The following PCBP3 variants were observed in gnomAD, a reference collection of about 807,000 sequenced individuals.
PCBP3 encodes poly(rC) binding protein 3.
Under a neutral mutation model 52.7 loss-of-function variants are expected in PCBP3, and 25 were observed. The observed-to-expected ratio is 0.47, with a 90% confidence interval of 0.35 to 0.66. The LOEUF (loss-of-function observed/expected upper bound fraction) is 0.66, where lower values mean the gene tolerates loss of function less well. Ranked by LOEUF, PCBP3 falls within the 30% of genes least tolerant of loss-of-function variation. The probability of loss-of-function intolerance (pLI) is 0.01; values close to 1 mark genes in which losing one functional copy is unlikely to be tolerated. For synonymous variants in PCBP3, 162 were observed against 183.0 expected (o/e 0.89, Z 0.93); for missense variants, 391 against 490.3 (o/e 0.80, Z 1.91).
At chr21:45,796,949 G>A (rs1465273930) in intron 4 of PCBP3, among the ~76,000 whole-genome samples, 2 of 152,136 alleles carry the variant, frequency 1.3e-5, no homozygotes, top group African/African-American at 2.4e-5. Context: ...GTTTAAATAC[G>A]AGGGCTTAAT....
Position 45,786,884 on chromosome 21 carries a change from G to A in PCBP3, c.-126+31432G>A, listed in dbSNP as rs78671181. ...CCTGAATTCACCCACACCCTCTGAA[G>A]AAATTATTAGAACCTGTCTCCTGCC... is the stretch of plus-strand genomic sequence containing the variant. On this transcript the variant is annotated intron_variant, in intron 4 of 17. Transcript: ENST00000681687. Among the ~76,000 whole-genome samples the A allele has an allele frequency of 1.4e-3, 215 of 152,296 alleles. 6 individuals are homozygous for A. The East Asian group carries it at 0.025, about 18-fold the overall frequency.
chr21:45,908,323 AC>A (rs1337648313), intron 9 of PCBP3, among the ~76,000 whole-genome samples: 1 of 152,070 alleles, frequency 6.6e-6, no homozygotes, highest in Non-Finnish European at 1.5e-5. Context: ...CTAACCCGAC[AC>A]CTTGACACAC....
chr21:45,877,738 G>A (rs1410915030), intron 5 of PCBP3, among the ~76,000 whole-genome samples: 1 of 152,198 alleles, frequency 6.6e-6, no homozygotes, highest in African/African-American at 2.4e-5. Context: ...CCTGGGAGGT[G>A]GAGGTTGCAG....
intron 4 of PCBP3, among the ~76,000 whole-genome samples, chr21:45,768,297 AG>A (rs1464635495): frequency 1.3e-5 from 2 of 152,232 alleles, no homozygotes. Flanking sequence ...CACTTGGACA[AG>A]ATGAAGGTTT....
chr21:45,764,902 G>C (rs999999092), intron 4 of PCBP3, among the ~76,000 whole-genome samples: 1 of 152,350 alleles, frequency 6.6e-6, no homozygotes, highest in East Asian at 1.9e-4. Flanking sequence ...CTTTGCTCTT[G>C]GAAGGGGGGA....
intron 9 of PCBP3, among the ~76,000 whole-genome samples, chr21:45,905,001 G>A (rs1007270751): frequency 2.6e-5 from 4 of 152,192 alleles, no homozygotes; most frequent in East Asian, 1.9e-4. Flanking sequence ...TTGACTTAGC[G>A]AATATCTGTT....
chr21:45,900,663 G>C, intron 8 of PCBP3, 40 bp downstream of exon 8: 1 of 1,273,606 alleles, frequency 7.9e-7, no homozygotes, highest in Non-Finnish European at 1.1e-6. Context: ...AGCCATTCCC[G>C]GGTGGGCGGG....
rs561497012 is a variant in PCBP3 at position 45,682,426 on chromosome 21, C to T, written c.-200+13474C>T. On this transcript the variant is annotated intron_variant, in intron 2 of 17. Coordinates refer to ENST00000681687, the MANE Select transcript of PCBP3 (RefSeq NM_001384156.1). ...CTTCCCAGAAGTGGAAGTTAACCTA[C>T]AGAAAGATCATTCTGACTAGTATGG... Among the ~76,000 whole-genome samples the T allele has an allele frequency of 1.5e-4, 23 of 152,272 alleles. No homozygotes were observed. The South Asian group carries it at 4.8e-3, about 32-fold the overall frequency.
chr21:45,941,419 C>T (rs1259969425), intron 17 of PCBP3, among the ~76,000 whole-genome samples: 1 of 152,186 alleles, frequency 6.6e-6, no homozygotes, highest in Non-Finnish European at 1.5e-5. Context: ...TAGGGGGCTC[C>T]ACATGGGGAA....
chr21:45,866,775 C>A (rs1486581503), intron 5 of PCBP3, among the ~76,000 whole-genome samples: 1 of 152,104 alleles, frequency 6.6e-6, no homozygotes, highest in African/African-American at 2.4e-5. Flanking sequence ...TCCAGCACCC[C>A]CTCCCCTCTC....
chr21:45,685,491 C>T (rs1367550760), intron 2 of PCBP3, among the ~76,000 whole-genome samples: 2 of 152,112 alleles, frequency 1.3e-5, no homozygotes, highest in African/African-American at 2.4e-5. Context: ...GTGGAGTAAC[C>T]AGGATAGGAC....
chr21:45,785,542 C>T (rs1405356419), intron 4 of PCBP3, among the ~76,000 whole-genome samples: 7 of 150,054 alleles, frequency 4.7e-5, no homozygotes, highest in African/African-American at 7.3e-5. Context: ...GCCAGCCGCC[C>T]CATCCGGGAG....
chr21:45,865,633 G>A (rs1354197708), intron 5 of PCBP3, among the ~76,000 whole-genome samples: 4 of 152,158 alleles, frequency 2.6e-5, no homozygotes, highest in Non-Finnish European at 5.9e-5. Flanking sequence ...TCTGGGTCCT[G>A]ACTCATTTGG....
chr21:45,787,564 A>G (rs756967966), intron 4 of PCBP3, among the ~76,000 whole-genome samples: 2 of 151,946 alleles, frequency 1.3e-5, no homozygotes, highest in Non-Finnish European at 2.9e-5. Flanking sequence ...GCCTCATCCG[A>G]GTTTTTTGGA....
At chr21:45,669,807 A>G (rs377620078) in intron 2 of PCBP3, among the ~76,000 whole-genome samples, 95 of 55,240 alleles carry the variant, frequency 1.7e-3, no homozygotes, top group East Asian at 4.5e-3. Flanking sequence ...GTGTGTGTGT[A>G]TATATATATA....
intron 5 of PCBP3, chr21:45,872,012 A>G (rs1483450542): frequency 6.6e-6 from 1 of 152,068 alleles, no homozygotes; most frequent in African/African-American, 2.4e-5. Flanking sequence ...GTGAGCAAAC[A>G]CCCCAGAGGG....
At chr21:45,939,115 A>T (rs894353826) in intron 16 of PCBP3, among the ~76,000 whole-genome samples, 2 of 152,224 alleles carry the variant, frequency 1.3e-5, no homozygotes, top group Non-Finnish European at 2.9e-5. Context: ...TCGGGGACCC[A>T]TGTGCCCAGC....
chr21:45,688,816 G>A (rs2082301987), intron 2 of PCBP3, among the ~76,000 whole-genome samples: 2 of 151,510 alleles, frequency 1.3e-5, no homozygotes, highest in Non-Finnish European at 2.9e-5. Context: ...GGCTAATGAT[G>A]CAATATTTTA....
chr21:45,743,765 T>C (rs1357409807), intron 3 of PCBP3, among the ~76,000 whole-genome samples: 1 of 152,170 alleles, frequency 6.6e-6, no homozygotes, highest in African/African-American at 2.4e-5. Flanking sequence ...TCTATAAGGT[T>C]CTTTTTTTTC....
Sources: allele counts gnomAD v4.1 joint callset (sites outside exome capture counted in the v4.1 genomes callset), GRCh38; gene constraint gnomAD v4.1.1; transcripts MANE v1.5; gene names NCBI Gene and HGNC (gene_info 2026-07-23, HGNC 2026-07-21).